LDLRAD1: variants seen among roughly 807,000 people sequenced by gnomAD.
LDLRAD1 encodes the protein low density lipoprotein receptor class A domain containing 1.
Under a neutral mutation model 24.8 loss-of-function variants are expected in LDLRAD1, and 17 were observed. The observed-to-expected ratio is 0.69, with a 90% CI of 0.47 to 1.03. LDLRAD1 has a LOEUF of 1.03. LDLRAD1 is among the 50% of genes least tolerant of loss of function. The pLI, the probability that LDLRAD1 is intolerant of heterozygous loss-of-function variation, is 0.00. For synonymous variants in LDLRAD1, 103 were observed against 108.2 expected (o/e 0.95, Z 0.30); for missense variants, 277 against 271.0 (o/e 1.02, Z -0.16).
chr1:54,012,878 C>T (rs1415672633), intron 3 of LDLRAD1, among the ~76,000 whole-genome samples: 2 of 152,148 alleles, frequency 1.3e-5, no homozygotes, highest in Non-Finnish European at 2.9e-5. Context: ...ATACCCACTC[C>T]TAGGGCTGCC....
At chr1:54,011,667 G>A (rs1011185865) in intron 4 of LDLRAD1, among the ~76,000 whole-genome samples, 16 of 152,156 alleles carry the variant, frequency 1.1e-4, no homozygotes, top group African/African-American at 3.4e-4. Flanking sequence ...TCAGCAAGCC[G>A]TTCTGAATAC....
intron 5 of LDLRAD1, 45 bp downstream of exon 5, chr1:54,010,237 C>T (rs949814591): frequency 7.5e-6 from 12 of 1,607,906 alleles, no homozygotes; most frequent in Non-Finnish European, 1.0e-5. Flanking sequence ...CCTCTGGCTG[C>T]TGCCTGGACA....
intron 4 of LDLRAD1, 100 bp from the exon 5 acceptor site, chr1:54,010,510 C>T: frequency 8.1e-7 from 1 of 1,238,396 alleles, no homozygotes. Flanking sequence ...TGGCCAAACT[C>T]AGGATCAGTG....
chr1:54,010,519 T>C, intron 4 of LDLRAD1, 109 bp from the exon 5 acceptor site: 2 of 1,123,988 alleles, frequency 1.8e-6, no homozygotes, highest in Non-Finnish European at 2.6e-6. Context: ...TCAGGATCAG[T>C]GCCCATCCAG....
chr1:54,009,182 T>G (rs776037625), intron 5 of LDLRAD1, 52 bp from the exon 6 acceptor site: 1 of 1,575,854 alleles, frequency 6.3e-7, no homozygotes, highest in Admixed American at 1.7e-5. Flanking sequence ...TGGAACGCTC[T>G]GTGCACCAGG....
intron 5 of LDLRAD1, among the ~76,000 whole-genome samples, chr1:54,009,427 G>A (rs1655957321): frequency 6.6e-6 from 1 of 152,060 alleles, no homozygotes; most frequent in Admixed American, 6.6e-5. Flanking sequence ...ATATGAATGG[G>A]TGCCCTTCCT....
Position 54,009,000 on chromosome 1 carries a change from AT to A in LDLRAD1, c.599del (p.Tyr200LeufsTer22). 6.2e-7 allele frequency: 1 copy of A among 1,613,840 alleles called. No homozygotes were observed. The highest frequency in any genetic ancestry group is 8.5e-7 in the Non-Finnish European group (1 of 1,179,878). On this transcript the variant is annotated frameshift_variant, in exon 6 of 6. Transcript: ENST00000371360. LOFTEE classifies it high-confidence loss of function. ...VQHCSDWSDE[Y>X]ACPGP ...GGCCCACTCAGGGTCCGGGACAGGC[AT>A]ACTCATCGGACCAGTCGGAGCAGTG...
intron 3 of LDLRAD1, 96 bp downstream of exon 3, chr1:54,014,140 G>T: frequency 7.0e-7 from 1 of 1,436,136 alleles, no homozygotes; most frequent in Non-Finnish European, 9.4e-7. Flanking sequence ...AAGTCACCTG[G>T]TGGAGAAGCC....
chr1:54,012,278 C>T lies in LDLRAD1; in HGVS notation c.205G>A (p.Ala69Thr), dbSNP rs1557662405. The change falls in exon 4 of 6, where the codon GCC becomes ACC. Residue 69 changes from alanine (A) to threonine (T), a missense_variant and splice_region_variant. By Grantham distance (58) the Ala-to-Thr change is moderately conservative (BLOSUM62 0). Transcript: ENST00000371360. ...TTTGTCAGTGTTATACAAGCTTGGG[C>T]TCCTGAATGGGCAGGGAAAGGCCCT... ...ILGLPSCTPG[A>T]QACITLTNRT... 8.7e-6 allele frequency: 14 copies of T among 1,613,964 alleles called. No homozygotes were observed. Among genetic ancestry groups the T allele is most frequent in the Non-Finnish European group, 1.2e-5 (14 of 1,179,984 alleles).
chr1:54,012,389 G>T (rs1430127337), intron 3 of LDLRAD1, 109 bp from the exon 4 acceptor site: 2 of 1,200,222 alleles, frequency 1.7e-6, no homozygotes, highest in Admixed American at 1.8e-5. Flanking sequence ...GGGCAGTGGG[G>T]AGGATGGACC....
intron 2 of LDLRAD1, among the ~76,000 whole-genome samples, chr1:54,015,656 T>G (rs1273336754): frequency 2.3e-5 from 3 of 132,900 alleles, no homozygotes; most frequent in Non-Finnish European, 5.0e-5. Context: ...TTTTTTTTGT[T>G]TTTTTTGTTT....
chr1:54,016,427 G>A (rs959746154), intron 2 of LDLRAD1, among the ~76,000 whole-genome samples: 1 of 152,190 alleles, frequency 6.6e-6, no homozygotes, highest in Non-Finnish European at 1.5e-5. Flanking sequence ...CCATGCACAA[G>A]GTGGGGCCAT....
At chr1:54,010,546 CAGA>C in intron 4 of LDLRAD1, 136 bp from the exon 5 acceptor site, 1 of 798,072 alleles carries the variant, frequency 1.3e-6, no homozygotes, top group Non-Finnish European at 2.0e-6. Flanking sequence ...AGGGTGCAAG[CAGA>C]AGGTTTCCTG....
At chr1:54,016,176 G>T (rs1292862536) in intron 2 of LDLRAD1, among the ~76,000 whole-genome samples, 1 of 152,146 alleles carries the variant, frequency 6.6e-6, no homozygotes, top group Non-Finnish European at 1.5e-5. Flanking sequence ...GTGGTTGCAG[G>T]TGGGGGAGCA....
At chr1:54,016,259 A>C (rs983217940) in intron 2 of LDLRAD1, among the ~76,000 whole-genome samples, 1 of 152,166 alleles carries the variant, frequency 6.6e-6, no homozygotes, top group Non-Finnish European at 1.5e-5. Context: ...GAGAGGCAGC[A>C]TAAATCTAAA....
At chr1:54,017,270 T>G (rs1569904142) in intron 2 of LDLRAD1, 106 bp downstream of exon 2, 1 of 868,472 alleles carries the variant, frequency 1.2e-6, no homozygotes, top group Non-Finnish European at 1.8e-6. Flanking sequence ...GAGGCAGAGG[T>G]CTGAGGGACA....
intron 2 of LDLRAD1, among the ~76,000 whole-genome samples, chr1:54,016,053 C>T (rs1656292423): frequency 6.6e-6 from 1 of 152,134 alleles, no homozygotes; most frequent in African/African-American, 2.4e-5. Flanking sequence ...CCAATCCATT[C>T]ACATTTCTGA....
Position 54,008,785 on chromosome 1 carries a change from T to C in LDLRAD1, c.*197A>G. 3.7e-6 allele frequency: 2 copies of C among 537,390 alleles called. No homozygotes were observed. Among genetic ancestry groups the C allele is most frequent in the Non-Finnish European group, 6.6e-6 (2 of 303,828 alleles). The allele number at this position is 537,390 out of a possible 1,614,324, so 33.3% of individuals were successfully genotyped here. ...TGTTAGAAGCCACCTAACATGGTAATGAGCTCCTGGTCATTGGAAGCATTC... is the reference window on the plus strand; with the variant it reads ...TGTTAGAAGCCACCTAACATGGTAACGAGCTCCTGGTCATTGGAAGCATTC... On this transcript the variant is annotated 3_prime_UTR_variant, in exon 6 of 6. Transcript: ENST00000371360.
chr1:54,012,904 G>A lies in LDLRAD1; in HGVS notation c.203-624C>T, dbSNP rs1300206410. ...TAGGGCTGCCCCAAAGAATTAAAAGGCAGAAACCTACGGACAAGGTAGGAG... is the reference window on the plus strand; with the variant it reads ...TAGGGCTGCCCCAAAGAATTAAAAGACAGAAACCTACGGACAAGGTAGGAG... On this transcript the variant is annotated intron_variant, in intron 3 of 5. Coordinates refer to ENST00000371360, the MANE Select transcript of LDLRAD1 (RefSeq NM_001010978.4). Among the ~76,000 whole-genome samples, 12 of 152,250 alleles carry A rather than the reference G, an allele frequency of 7.9e-5. No individual in the cohort carries two copies. The South Asian group carries it at 1.9e-3, about 24-fold the overall frequency.
Sources: gnomAD v4.1 joint callset for allele counts (sites outside exome capture counted in the v4.1 genomes callset) on GRCh38, gnomAD v4.1.1 for gene constraint, MANE v1.5 for transcripts, NCBI Gene and HGNC (gene_info 2026-07-23, HGNC 2026-07-21) for gene names.